The following ZFP30 variants were observed in gnomAD, a reference collection of about 807,000 sequenced individuals.
ZFP30 encodes zinc finger protein 30 homolog.
ZFP30 carries 16 observed loss-of-function variants against 12.3 expected under a neutral mutation model. The ratio of observed to expected loss-of-function variants is 1.30; its 90% CI spans 0.88 to 1.98. ZFP30 has a LOEUF of 1.98. ZFP30 is among the 30% of genes most tolerant of loss of function. ZFP30 has a pLI of 0.00. For missense variants in ZFP30, 560 were observed against 611.2 expected (o/e 0.92, Z 0.88); for synonymous variants, 172 against 201.0 (o/e 0.86, Z 1.22).
chr19:37,645,392 T>A (rs895441232), intron 3 of ZFP30, among the ~76,000 whole-genome samples: 1 of 151,998 alleles, frequency 6.6e-6, no homozygotes, highest in Non-Finnish European at 1.5e-5. Context: ...AGACCAGGGT[T>A]TGGCAACATT....
intron 2 of ZFP30, among the ~76,000 whole-genome samples, chr19:37,649,996 C>T (rs1385798758): frequency 6.6e-6 from 1 of 151,946 alleles, no homozygotes; most frequent in Non-Finnish European, 1.5e-5. Flanking sequence ...AAACTACATA[C>T]ACATGCATAC....
intron 2 of ZFP30, among the ~76,000 whole-genome samples, chr19:37,653,449 T>C (rs571185932): frequency 2.0e-5 from 3 of 152,326 alleles, no homozygotes; most frequent in African/African-American, 7.2e-5. Context: ...TATTACATTG[T>C]TGCAAAATAA....
intron 5 of ZFP30, among the ~76,000 whole-genome samples, chr19:37,641,985 C>T (rs2044444941): frequency 6.6e-6 from 1 of 152,188 alleles, no homozygotes; most frequent in African/African-American, 2.4e-5. Context: ...GCTTTAGATG[C>T]TTGATAAGAC....
intron 5 of ZFP30, among the ~76,000 whole-genome samples, chr19:37,641,560 A>G (rs750536507): frequency 2.6e-5 from 4 of 152,192 alleles, no homozygotes; most frequent in Admixed American, 1.3e-4. Context: ...GCACCTCCCA[A>G]TCTACTTCCT....
rs1302372706 is a variant in ZFP30, at chr19:37,636,413, A to C, written c.236-108T>G. 3 of 1,231,638 alleles carry C rather than the reference A, an allele frequency of 2.4e-6. No homozygotes were observed. In the African/African-American group the frequency reaches 4.6e-5, roughly 19 times the overall value. The allele number at this position is 1,231,638 out of a possible 1,614,324, so 76.3% of individuals were successfully genotyped here. ...CAAAAAAAAAAAAAAAGAAAAAGAA[A>C]GCCCAATTGAAGTAAATGGGCTCAA... On this transcript the variant is annotated intron_variant, in intron 5 of 5. Coordinates refer to ENST00000684514, the MANE Select transcript of ZFP30 (RefSeq NM_001320669.3).
At chr19:37,649,059 A>T (rs1030220548) in intron 2 of ZFP30, among the ~76,000 whole-genome samples, 2 of 151,970 alleles carry the variant, frequency 1.3e-5, no homozygotes, top group African/African-American at 4.8e-5. Flanking sequence ...ACAACATAGT[A>T]AGATACTGTC....
In ZFP30 at chr19:37,636,317, C is replaced by G; in HGVS notation, c.236-12G>C. 1 of 1,518,546 alleles carries G rather than the reference C, an allele frequency of 6.6e-7. No homozygotes were observed. Among genetic ancestry groups the G allele is most frequent in the Non-Finnish European group, 8.8e-7 (1 of 1,137,164 alleles). 94.1% of individuals were successfully genotyped at this position (1,518,546 alleles called of 1,614,324 possible). The stretch of plus-strand genomic sequence containing the variant: ...TCTGGATTCCAAATCTGAAAGAAAA[C>G]AAGACCAAAACATATTTTCCTGTTC... On this transcript the variant is annotated splice_polypyrimidine_tract_variant and intron_variant, in intron 5 of 5. Transcript: ENST00000684514.
At chr19:37,638,190 A>G (rs1162721444) in intron 5 of ZFP30, among the ~76,000 whole-genome samples, 1 of 152,188 alleles carries the variant, frequency 6.6e-6, no homozygotes, top group Non-Finnish European at 1.5e-5. Flanking sequence ...CCTACTTTGC[A>G]TAATCATAAG....
intron 5 of ZFP30, among the ~76,000 whole-genome samples, 165 bp downstream of exon 5, chr19:37,643,100 A>AAGTATGGAT (rs1008826260): frequency 5.3e-5 from 8 of 151,548 alleles, no homozygotes; most frequent in African/African-American, 1.9e-4. Context: ...TGATAAGTGG[A>AAGTATGGAT]AGTATGGATG....
At chr19:37,641,044 AGAC>A (rs1393203583) in intron 5 of ZFP30, among the ~76,000 whole-genome samples, 1 of 152,234 alleles carries the variant, frequency 6.6e-6, no homozygotes, top group African/African-American at 2.4e-5. Flanking sequence ...CCTCAGGTTC[AGAC>A]GATAATCTTA....
intron 5 of ZFP30, among the ~76,000 whole-genome samples, chr19:37,639,266 A>C (rs1013329137): frequency 2.0e-5 from 3 of 152,230 alleles, no homozygotes; most frequent in African/African-American, 7.2e-5. Flanking sequence ...GTAGTAAATA[A>C]GTAAGTAGTT....
chr19:37,640,644 T>C (rs1204618134), intron 5 of ZFP30, among the ~76,000 whole-genome samples: 1 of 151,376 alleles, frequency 6.6e-6, no homozygotes, highest in African/African-American at 2.4e-5. Context: ...ACAAGCACTC[T>C]GGCAGGCCGA....
Position 37,635,466 on chromosome 19 carries a change from A to C in ZFP30, c.1075T>G (p.Cys359Gly). 6.2e-7 allele frequency: 1 copy of C among 1,614,142 alleles called. No homozygotes were observed. The change falls in exon 6 of 6, where the codon TGT (cysteine) becomes GGT (glycine). Residue 359 changes from cysteine (C) to glycine (G), a missense_variant. By Grantham distance (159) the Cys-to-Gly change is radical. Coordinates refer to ENST00000684514, the MANE Select transcript of ZFP30 (RefSeq NM_001320669.3). ...TGEKPYDCKE[C>G]GKTFSRGYHL... is the part of the protein sequence containing the mutation. ...TAGCCACGACTGAAAGTCTTCCCAC[A>C]TTCCTTACAATCATAAGGCTTCTCA... is the stretch of plus-strand genomic sequence containing the variant.
chr19:37,643,281 T>C lies in ZFP30; in HGVS notation c.219A>G (p.Lys73=), dbSNP rs781601027. 2.9e-5 allele frequency: 47 copies of C among 1,611,322 alleles called. No homozygotes were observed. Among genetic ancestry groups the C allele is most frequent in the Non-Finnish European group, 3.8e-5 (45 of 1,179,020 alleles). Reference sequence around the variant, plus strand: ...AGCACTTACCTAGAGTCCATCTTCTTTTCTCATCCCTCACAACCATCCAGG... The same window carrying C: ...AGCACTTACCTAGAGTCCATCTTCTCTTCTCATCCCTCACAACCATCCAGG... ...KEPWMVVRDE[K]RRWTLDLESR... The change falls in exon 5 of 6, where the codon AAA becomes AAG. Residue 73 remains lysine, a synonymous_variant. Coordinates refer to ENST00000684514, the MANE Select transcript of ZFP30 (RefSeq NM_001320669.3).
chr19:37,649,894 T>A (rs1344843036), intron 2 of ZFP30, among the ~76,000 whole-genome samples: 1 of 152,056 alleles, frequency 6.6e-6, no homozygotes, highest in Non-Finnish European at 1.5e-5. Context: ...AAAATTCATA[T>A]TTGATGTCAT....
At chr19:37,650,067 A>G (rs570738544) in intron 2 of ZFP30, among the ~76,000 whole-genome samples, 2 of 151,486 alleles carry the variant, frequency 1.3e-5, no homozygotes, top group African/African-American at 4.9e-5. Context: ...TGTTACCTTT[A>G]CTTGATGGTA....
In ZFP30 at chr19:37,631,700, A is replaced by G. The variant is rs2044236222; in HGVS notation, c.*3281T>C. 1.4e-5 allele frequency: 2 copies of G among 140,438 alleles called. No homozygotes were observed. Among genetic ancestry groups the G allele is most frequent in the Non-Finnish European group, 3.1e-5 (2 of 64,890 alleles). The allele number at this position is 140,438 out of a possible 1,614,324, so 8.7% of individuals were successfully genotyped here. A position where few individuals can be genotyped will look rare whatever the true frequency, so the allele number is the denominator to read the frequency against. On this transcript the variant is annotated 3_prime_UTR_variant, in exon 6 of 6. Coordinates refer to ENST00000684514, the MANE Select transcript of ZFP30 (RefSeq NM_001320669.3). ...AAAGCTAAAAAAAAAAAAAAAAAAA[A>G]GACAATAAGCATGAATTGAGATGAT...
Position 37,635,294 on chromosome 19 carries a change from C to T in ZFP30, c.1247G>A (p.Gly416Glu). The T allele has an allele frequency of 6.2e-7, 1 of 1,614,012 alleles. No individual in the cohort carries two copies. Among genetic ancestry groups the T allele is most frequent in the Non-Finnish European group, 8.5e-7 (1 of 1,179,960 alleles). ...CTGTGAGAACAGCCTAAATGCCTTCCCACATTCCTTACATTCATAAGGTTT... is the reference window on the plus strand; with the variant it reads ...CTGTGAGAACAGCCTAAATGCCTTCTCACATTCCTTACATTCATAAGGTTT... Reference protein sequence around the residue: ...GEKPYECKECGKAFRLFSQLT... With the variant: ...GEKPYECKECEKAFRLFSQLT... The change falls in exon 6 of 6, where the codon GGG (glycine) becomes GAG (glutamate). Residue 416 changes from glycine (G) to glutamate (E), a missense_variant. By Grantham distance (98) the Gly-to-Glu change is moderately conservative. Coordinates refer to ENST00000684514, the MANE Select transcript of ZFP30 (RefSeq NM_001320669.3).
At position 37,632,467 on chromosome 19, in the gene ZFP30, A is replaced by G. The variant is rs997641308; in HGVS notation, c.*2514T>C. ...GGTCTTGACTATATTGGTATCTTTTAAAGAAACACACACAAAAAAACCAAG... is the reference window on the plus strand; with the variant it reads ...GGTCTTGACTATATTGGTATCTTTTGAAGAAACACACACAAAAAAACCAAG... On this transcript the variant is annotated 3_prime_UTR_variant, in exon 6 of 6. Transcript: ENST00000684514. 1 of 152,152 alleles carries G rather than the reference A, an allele frequency of 6.6e-6. No individual in the cohort carries two copies. The highest frequency in any genetic ancestry group is 2.4e-5 in the African/African-American group (1 of 41,444). The allele number at this position is 152,152 out of a possible 1,614,324, so 9.4% of individuals were successfully genotyped here. A position where few individuals can be genotyped will look rare whatever the true frequency, so the allele number is the denominator to read the frequency against.
Sources: allele counts gnomAD v4.1 joint callset (sites outside exome capture counted in the v4.1 genomes callset), GRCh38; gene constraint gnomAD v4.1.1; transcripts MANE v1.5; gene names NCBI Gene and HGNC (gene_info 2026-07-23, HGNC 2026-07-21).